Variants in SCML2 observed in about 807,000 individuals in gnomAD.
The protein encoded by SCML2 is sex comb on midleg-like protein 2.
SCML2 carries 6 observed loss-of-function variants against 48.4 expected under a neutral mutation model. That is an observed-to-expected ratio of 0.12 (90% CI 0.07 to 0.24). The LOEUF is 0.24. Ranked by LOEUF, SCML2 falls within the 10% of genes least tolerant of loss-of-function variation. The probability of loss-of-function intolerance (pLI) is 1.00; values close to 1 mark genes in which losing one functional copy is unlikely to be tolerated. For missense variants in SCML2, 377 were observed against 528.2 expected (o/e 0.71, Z 2.81); for synonymous variants, 181 against 189.5 (o/e 0.95, Z 0.37).
chrX:18,330,566 T>C, intron 3 of SCML2, 21 bp downstream of exon 3: 1 of 1,006,951 alleles, frequency 9.9e-7, no homozygotes, highest in Non-Finnish European at 1.4e-6. Context: ...CTATGCTGTA[T>C]TAAATTACTT....
chrX:18,336,893 T>G (rs1228952355), intron 1 of SCML2, among the ~76,000 whole-genome samples: 5 of 110,842 alleles, frequency 4.5e-5, no homozygotes, highest in African/African-American at 1.6e-4. Context: ...GAGAAAAAAC[T>G]GAATCATATT....
chrX:18,283,791 C>G (rs1300768409), intron 7 of SCML2, among the ~76,000 whole-genome samples: 2 of 111,844 alleles, frequency 1.8e-5, no homozygotes, highest in Non-Finnish European at 3.8e-5. Flanking sequence ...AGAGATCACA[C>G]AAATAGATGG....
rs188469692 is a variant in SCML2 at position 18,298,682 on chromosome X, C to A, written c.730+6290G>T. 7.4e-4 allele frequency among the ~76,000 whole-genome samples: 82 copies of A among 110,725 alleles called. 1 individual carries two copies. The highest frequency in any genetic ancestry group is 5.8e-3 in the East Asian group (20 of 3,478). ...GACCAGACTGGCCAACATGGGGAAA[C>A]CCCGTCTCTAACTGATGGGTAACCC... is the stretch of plus-strand genomic sequence containing the variant. On this transcript the variant is annotated intron_variant, in intron 7 of 14. Coordinates refer to ENST00000251900, the MANE Select transcript of SCML2 (RefSeq NM_006089.3).
At chrX:18,335,454 T>G (rs975848249) in intron 1 of SCML2, among the ~76,000 whole-genome samples, 1 of 111,137 alleles carries the variant, frequency 9.0e-6, no homozygotes, top group Non-Finnish European at 1.9e-5. Flanking sequence ...CAGTAAGCTG[T>G]GATTGTGCCA....
chrX:18,262,249 C>T lies in SCML2; in HGVS notation c.949-1958G>A, dbSNP rs1296520009. On this transcript the variant is annotated intron_variant, in intron 8 of 14. Coordinates refer to ENST00000251900, the MANE Select transcript of SCML2 (RefSeq NM_006089.3). ...CATATTTGGGTCTTTAAAAAAAAAT[C>T]CATGTTGATAATCTCTGTCTTTTTA... Among the ~76,000 whole-genome samples, 3 of 107,628 alleles carry T rather than the reference C, an allele frequency of 2.8e-5. 1 individual carries two copies. The highest frequency in any genetic ancestry group is 3.8e-4 in the South Asian group (1 of 2,603). 93.5% of individuals were successfully genotyped at this position (107,628 alleles called of 115,157 possible).
At chrX:18,321,394 T>C (rs978316362) in intron 5 of SCML2, among the ~76,000 whole-genome samples, 1 of 110,556 alleles carries the variant, frequency 9.0e-6, no homozygotes, top group Non-Finnish European at 1.9e-5. Context: ...CTTGCCTCAA[T>C]GCCAGAATTA....
At chrX:18,326,792 C>T (rs1929494987) in intron 3 of SCML2, among the ~76,000 whole-genome samples, 1 of 110,817 alleles carries the variant, frequency 9.0e-6, no homozygotes, top group South Asian at 3.8e-4. Context: ...CTTTCTTAGC[C>T]TCAGTTCCTT....
intron 13 of SCML2, among the ~76,000 whole-genome samples, chrX:18,243,608 C>T (rs758671165): frequency 8.9e-6 from 1 of 111,875 alleles, no homozygotes; most frequent in Admixed American, 9.5e-5. Context: ...ATAACTTTAA[C>T]ATTTAATTTA....
At chrX:18,294,439 T>A (rs193189385) in intron 7 of SCML2, among the ~76,000 whole-genome samples, 1 of 110,904 alleles carries the variant, frequency 9.0e-6, no homozygotes, top group African/African-American at 3.3e-5. Context: ...CCGCCAGCCC[T>A]AGCCACAGAA....
chrX:18,351,522 T>C (rs1312424403), intron 1 of SCML2, among the ~76,000 whole-genome samples: 2 of 110,196 alleles, frequency 1.8e-5, no homozygotes. Context: ...ACTTTGTTCT[T>C]GTATATCCTA....
intron 9 of SCML2, among the ~76,000 whole-genome samples, chrX:18,258,724 C>G (rs1448980276): frequency 9.1e-6 from 1 of 110,271 alleles, no homozygotes; most frequent in African/African-American, 3.3e-5. Flanking sequence ...CTAAAGTAAC[C>G]AAACAATTTA....
intron 1 of SCML2, among the ~76,000 whole-genome samples, chrX:18,347,445 CAA>C (rs374198442): frequency 1.1e-5 from 1 of 90,035 alleles, no homozygotes; most frequent in Non-Finnish European, 2.2e-5. Flanking sequence ...AATTCCATTT[CAA>C]AAAAAAAAAA....
chrX:18,304,256 G>A (rs1928687424), intron 7 of SCML2, among the ~76,000 whole-genome samples: 1 of 111,518 alleles, frequency 9.0e-6, no homozygotes, highest in Admixed American at 9.6e-5. Context: ...TGGGTTCTAT[G>A]CTTAGACCCC....
Position 18,256,833 on chromosome X carries a change from T to C in SCML2, c.1456+15A>G. ...CAAGTGAAACAGAAGTGTAAGAGTT[T>C]ACATTTTCTCTCACCTGACTGATTT... On this transcript the variant is annotated intron_variant, in intron 11 of 14. Transcript: ENST00000251900. The C allele has an allele frequency of 7.9e-6, 9 of 1,141,955 alleles. No individual in the cohort carries two copies. The highest frequency in any genetic ancestry group is 1.0e-5 in the Non-Finnish European group (9 of 859,233). The allele number at this position is 1,141,955 out of a possible 1,213,427, so 94.1% of individuals were successfully genotyped here.
chrX:18,259,357 C>T (rs1258197472), intron 9 of SCML2, among the ~76,000 whole-genome samples: 1 of 111,174 alleles, frequency 9.0e-6, no homozygotes, highest in African/African-American at 3.3e-5. Context: ...ATTTTTAATC[C>T]ATTAATTAAT....
chrX:18,338,833 G>C (rs980239213), intron 1 of SCML2, among the ~76,000 whole-genome samples: 2 of 108,007 alleles, frequency 1.9e-5, no homozygotes, highest in Non-Finnish European at 3.8e-5. Flanking sequence ...AGAATCACCT[G>C]AGCCTGGGAA....
intron 7 of SCML2, among the ~76,000 whole-genome samples, chrX:18,274,155 A>G (rs1018029042): frequency 1.8e-5 from 2 of 111,925 alleles, no homozygotes; most frequent in Non-Finnish European, 3.8e-5. Flanking sequence ...GAGCTAAAAG[A>G]ACACTGACTG....
intron 6 of SCML2, among the ~76,000 whole-genome samples, chrX:18,308,514 A>G (rs1422149013): frequency 6.3e-5 from 7 of 111,682 alleles, no homozygotes; most frequent in Non-Finnish European, 1.3e-4. Context: ...AATGGGCAAA[A>G]GACCTGAATA....
Position 18,265,818 on chromosome X carries a change from C to CA in SCML2, c.731-17dup, listed in dbSNP as rs745502736. The stretch of plus-strand genomic sequence containing the variant: ...ACAATAGGAACTGAGGAAAAAAATA[C>CA]AAAAAATATTAAAGTAAATGACACA... On this transcript the variant is annotated splice_polypyrimidine_tract_variant and intron_variant, in intron 7 of 14. Transcript: ENST00000251900. 1.8e-5 allele frequency: 20 copies of CA among 1,106,113 alleles called. No homozygotes were observed. The highest frequency in any genetic ancestry group is 1.3e-4 in the African/African-American group (7 of 54,660). The allele number at this position is 1,106,113 out of a possible 1,213,427, so 91.2% of individuals were successfully genotyped here.
Sources: allele counts gnomAD v4.1 joint callset (sites outside exome capture counted in the v4.1 genomes callset), GRCh38; gene constraint gnomAD v4.1.1; transcripts MANE v1.5; gene names NCBI Gene and HGNC (gene_info 2026-07-23, HGNC 2026-07-21).